HOPX: variants seen among roughly 807,000 people sequenced by gnomAD.
HOPX encodes HOP homeobox.
A neutral mutation model predicts 11.8 loss-of-function variants in HOPX; 5 were observed. The observed-to-expected ratio is 0.43, with a 90% CI of 0.22 to 0.89. The LOEUF is 0.89. Ranked by LOEUF, HOPX falls within the 40% of genes least tolerant of loss-of-function variation. The pLI, the probability that HOPX is intolerant of heterozygous loss-of-function variation, is 0.28. For synonymous variants in HOPX, 49 were observed against 49.7 expected, an observed-to-expected ratio of 0.99 and a Z score of 0.06; for missense variants, 119 against 120.0, an observed-to-expected ratio of 0.99 and a Z score of 0.04.
At chr4:56,671,765 T>G (rs1195216287) in intron 1 of HOPX, among the ~76,000 whole-genome samples, 1 of 152,098 alleles carries the variant, frequency 6.6e-6, no homozygotes, top group African/African-American at 2.4e-5. Flanking sequence ...AGATCACTTT[T>G]CTGAGCATCA....
intron 3 of HOPX, 51 bp downstream of exon 3, chr4:56,655,805 AG>A: frequency 1.3e-6 from 2 of 1,541,288 alleles, no homozygotes; most frequent in Non-Finnish European, 8.7e-7. Context: ...AGCCGCGAGA[AG>A]GCTCAGCCCA....
chr4:56,651,832 G>A (rs1317607794), intron 3 of HOPX, among the ~76,000 whole-genome samples: 1 of 151,332 alleles, frequency 6.6e-6, no homozygotes, highest in African/African-American at 2.4e-5. Context: ...CATTGTGCTT[G>A]AATTGAAGAG....
At chr4:56,650,487 C>T in intron 3 of HOPX, 1 of 560,268 alleles carries the variant, frequency 1.8e-6, no homozygotes, top group East Asian at 3.1e-5. Flanking sequence ...GTGTGAGAAT[C>T]ACAGGGGGAG....
chr4:56,652,296 T>C (rs1717269816), intron 3 of HOPX, among the ~76,000 whole-genome samples: 1 of 152,190 alleles, frequency 6.6e-6, no homozygotes, highest in African/African-American at 2.4e-5. Flanking sequence ...GTATCGGCCC[T>C]GTGAATCAGT....
chr4:56,660,406 A>G (rs1399631646), intron 1 of HOPX, among the ~76,000 whole-genome samples: 4 of 152,354 alleles, frequency 2.6e-5, no homozygotes. Context: ...AACTTTATAT[A>G]TTTAAAAAAA....
At chr4:56,660,603 G>A (rs903676106) in intron 1 of HOPX, among the ~76,000 whole-genome samples, 1 of 151,806 alleles carries the variant, frequency 6.6e-6, no homozygotes, top group African/African-American at 2.4e-5. Context: ...GTCCTCAATC[G>A]GACCAGTTGT....
intron 1 of HOPX, among the ~76,000 whole-genome samples, chr4:56,667,664 G>C (rs113431829): frequency 1.6e-3 from 241 of 152,254 alleles, no homozygotes; most frequent in African/African-American, 5.7e-3. Context: ...TTTAACCACA[G>C]AGCTGCAACA....
chr4:56,667,917 GTACTGGTGTAA>G (rs2109529234), intron 1 of HOPX, among the ~76,000 whole-genome samples: 1 of 152,260 alleles, frequency 6.6e-6, no homozygotes, highest in South Asian at 2.1e-4. Context: ...TACGCCTGTT[GTACTGGTGTAA>G]TTATTAATAA....
intron 2 of HOPX, 33 bp downstream of exon 2, chr4:56,657,742 A>T (rs1306271945): frequency 5.4e-6 from 5 of 918,446 alleles, no homozygotes; most frequent in Non-Finnish European, 7.0e-6. Context: ...TTTGACACAC[A>T]ACTTCAGAGC....
At chr4:56,650,394 C>T (rs1180064004) in intron 3 of HOPX, 2 of 323,880 alleles carry the variant, frequency 6.2e-6, no homozygotes, top group Admixed American at 4.5e-5. Flanking sequence ...TGGCTTGATG[C>T]CTATACAGAT....
chr4:56,656,604 A>C (rs1393538619), intron 2 of HOPX: 2 of 342,654 alleles, frequency 5.8e-6, no homozygotes, highest in South Asian at 2.2e-4. Context: ...CCCGCAAGAC[A>C]AGTTACTTCT....
chr4:56,659,565 A>G (rs1477287626), intron 1 of HOPX: 2 of 152,270 alleles, frequency 1.3e-5, no homozygotes, highest in African/African-American at 2.4e-5. Flanking sequence ...AGAGAGAGAG[A>G]GAATTGTTCT....
At chr4:56,665,663 G>C (rs191571612) in intron 1 of HOPX, 2 of 152,144 alleles carry the variant, frequency 1.3e-5, no homozygotes, top group African/African-American at 2.4e-5. Flanking sequence ...CTGTGTGCCA[G>C]GTCCTGTCTA....
At chr4:56,681,473 G>C (rs970002887), upstream of HOPX, 1 of 993,810 alleles carries the variant, frequency 1.0e-6, no homozygotes, top group Non-Finnish European at 1.2e-6. Flanking sequence ...GGTTATTCAG[G>C]TTTGATGTTC....
rs1189082666 is a variant in HOPX, at chr4:56,655,689, G to A, written c.198+168C>T. On this transcript the variant is annotated intron_variant, in intron 3 of 3. Transcript: ENST00000420433. ...CATGGGAGCGGGGAAGCGGGGAGGCGGCGGCGGGAGCCATGCAGGGTCTGG... is the reference window on the plus strand; with the variant it reads ...CATGGGAGCGGGGAAGCGGGGAGGCAGCGGCGGGAGCCATGCAGGGTCTGG... 2.0e-5 allele frequency among the ~76,000 whole-genome samples: 3 copies of A among 152,320 alleles called. No homozygotes were observed. The East Asian group carries it at 5.8e-4, about 30-fold the overall frequency.
At chr4:56,655,814 CCA>C (rs1717639305) in intron 3 of HOPX, 41 bp downstream of exon 3, 4 of 499,006 alleles carry the variant, frequency 8.0e-6, no homozygotes, top group African/African-American at 1.1e-4. Flanking sequence ...AAGGCTCAGC[CCA>C]GGCAGGGGTC....
chr4:56,654,747 T>C (rs1257759266), intron 3 of HOPX, among the ~76,000 whole-genome samples: 1 of 152,208 alleles, frequency 6.6e-6, no homozygotes, highest in African/African-American at 2.4e-5. Flanking sequence ...TTGGATCTAC[T>C]GGATCCATTA....
Position 56,669,660 on chromosome 4 carries a change from AAATAATAATAATAATAAT to A in HOPX, c.-84+11577_-84+11594del, listed in dbSNP as rs148353976. 2.2e-3 allele frequency among the ~76,000 whole-genome samples: 318 copies of A among 146,382 alleles called. 2 individuals are homozygous for A. Among genetic ancestry groups the A allele is most frequent in the African/African-American group, 6.8e-3 (270 of 39,596 alleles). The stretch of plus-strand genomic sequence containing the variant: ...GGTGATAGAGCAGGACTCTGTCTCA[AAATAATAATAATAATAAT>A]AATAATAATAATAATAATAATAATA... On this transcript the variant is annotated intron_variant, in intron 1 of 3. Transcript: ENST00000420433.
intron 3 of HOPX, among the ~76,000 whole-genome samples, chr4:56,653,337 G>A (rs1174170194): frequency 6.6e-6 from 1 of 152,140 alleles, no homozygotes; most frequent in Non-Finnish European, 1.5e-5. Flanking sequence ...GATTACAGGT[G>A]TGAGCTACTG....
Sources: gnomAD v4.1 joint callset for allele counts (sites outside exome capture counted in the v4.1 genomes callset) on GRCh38, gnomAD v4.1.1 for gene constraint, MANE v1.5 for transcripts, NCBI Gene and HGNC (gene_info 2026-07-23, HGNC 2026-07-21) for gene names.